Variants in MAP4K3 observed in about 807,000 individuals in gnomAD.
MAP4K3 encodes MAPK/ERK kinase kinase kinase 3.
In MAP4K3, 94 loss-of-function variants were observed where a neutral mutation model predicts 143.5. The ratio of observed to expected loss-of-function variants is 0.65; its 90% CI spans 0.55 to 0.78. The LOEUF is 0.78. Among genes scored for constraint, MAP4K3 ranks in the 30% least tolerant of loss-of-function variants. The pLI is 0.00. For missense variants in MAP4K3, 1,077 were observed against 1,068.1 expected (o/e 1.01, Z -0.12); for synonymous variants, 416 against 347.2 (o/e 1.20, Z -2.20).
chr2:39,369,364 C>G (rs940980899), intron 2 of MAP4K3, among the ~76,000 whole-genome samples: 8 of 151,684 alleles, frequency 5.3e-5, no homozygotes, highest in Non-Finnish European at 1.0e-4. Flanking sequence ...CCAGGCTGAT[C>G]GTGAACTCCT....
chr2:39,351,961 G>A (rs1339482964), intron 3 of MAP4K3, among the ~76,000 whole-genome samples: 3 of 152,108 alleles, frequency 2.0e-5, no homozygotes, highest in African/African-American at 7.2e-5. Context: ...ATGAGCCACC[G>A]CACCCAGCCC....
chr2:39,354,900 T>G (rs1444699078), intron 3 of MAP4K3, among the ~76,000 whole-genome samples: 2 of 152,158 alleles, frequency 1.3e-5, no homozygotes, highest in African/African-American at 4.8e-5. Context: ...TAAGTTACAG[T>G]ATGTTGGATG....
intron 8 of MAP4K3, among the ~76,000 whole-genome samples, chr2:39,330,381 T>C (rs1394654337): frequency 6.6e-6 from 1 of 152,150 alleles, no homozygotes; most frequent in Non-Finnish European, 1.5e-5. Flanking sequence ...TTATCAATCA[T>C]GTACAAGGAT....
chr2:39,414,735 C>T (rs780940362), intron 1 of MAP4K3, among the ~76,000 whole-genome samples: 3 of 152,014 alleles, frequency 2.0e-5, no homozygotes, highest in Non-Finnish European at 4.4e-5. Context: ...ATTAGCTGGG[C>T]GTGGTGGCAC....
chr2:39,254,331 T>C, intron 32 of MAP4K3, 119 bp downstream of exon 32: 1 of 754,378 alleles, frequency 1.3e-6, no homozygotes, highest in Non-Finnish European at 2.2e-6. Context: ...ATAGACTAAA[T>C]ACAGTAAGTA....
chr2:39,387,417 C>T (rs1010377745), intron 1 of MAP4K3, among the ~76,000 whole-genome samples: 1 of 152,174 alleles, frequency 6.6e-6, no homozygotes, highest in Admixed American at 6.5e-5. Context: ...TTCATCAGTG[C>T]TTTGCAGTTA....
chr2:39,421,856 T>G (rs1667558048), intron 1 of MAP4K3, among the ~76,000 whole-genome samples: 2 of 152,126 alleles, frequency 1.3e-5, no homozygotes. Flanking sequence ...TTTATCCATT[T>G]AAATCTAAAC....
At chr2:39,368,427 G>C (rs1272484807) in intron 2 of MAP4K3, among the ~76,000 whole-genome samples, 1 of 152,100 alleles carries the variant, frequency 6.6e-6, no homozygotes, top group Admixed American at 6.5e-5. Context: ...AGAACATTGG[G>C]AGGCCAAGGC....
intron 1 of MAP4K3, among the ~76,000 whole-genome samples, chr2:39,412,285 T>C (rs1558855): frequency 0.065 from 9,891 of 152,186 alleles, 396 homozygotes; most frequent in South Asian, 0.12. Context: ...GTCACCACCA[T>C]CTCCTTTCAG....
chr2:39,389,044 C>T (rs1001884552), intron 1 of MAP4K3, among the ~76,000 whole-genome samples: 20 of 151,960 alleles, frequency 1.3e-4, no homozygotes, highest in Admixed American at 6.6e-4. Flanking sequence ...CAATCAAGTA[C>T]GCTTTAAAAG....
chr2:39,300,116 C>A (rs1327885535), intron 15 of MAP4K3, among the ~76,000 whole-genome samples: 2 of 151,996 alleles, frequency 1.3e-5, no homozygotes, highest in African/African-American at 4.8e-5. Context: ...TGTTTATTCT[C>A]CAGTTATAAT....
At chr2:39,278,967 T>C (rs569817689) in intron 23 of MAP4K3, among the ~76,000 whole-genome samples, 1 of 152,326 alleles carries the variant, frequency 6.6e-6, no homozygotes, top group South Asian at 2.1e-4. Flanking sequence ...AAAACTTGGA[T>C]ACCTGCTAGG....
intron 13 of MAP4K3, among the ~76,000 whole-genome samples, chr2:39,311,905 T>C (rs1440123917): frequency 6.6e-6 from 1 of 152,182 alleles, no homozygotes; most frequent in East Asian, 1.9e-4. Context: ...ACCTTCAGAC[T>C]TAAAGAAATA....
chr2:39,334,676 C>T (rs1014187251), intron 6 of MAP4K3, among the ~76,000 whole-genome samples: 2 of 152,188 alleles, frequency 1.3e-5, no homozygotes, highest in Non-Finnish European at 2.9e-5. Flanking sequence ...CTTATAATCA[C>T]ATCACTTGTA....
chr2:39,364,266 T>G (rs1394053235), intron 2 of MAP4K3, among the ~76,000 whole-genome samples: 1 of 152,164 alleles, frequency 6.6e-6, no homozygotes, highest in Non-Finnish European at 1.5e-5. Flanking sequence ...AATTAGGAGT[T>G]GCTGTTCAAT....
rs187541994 is a variant in MAP4K3, at chr2:39,390,361, A to C, written c.97-12238T>G. ...AAACAACTCAGCATGGAAATTAAAC[A>C]ACTCAATACAAACCACTTGTAGATC... On this transcript the variant is annotated intron_variant, in intron 1 of 33. Coordinates refer to ENST00000263881, the MANE Select transcript of MAP4K3 (RefSeq NM_003618.4). Among the ~76,000 whole-genome samples, 479 of 152,328 alleles carry C rather than the reference A, an allele frequency of 3.1e-3. 2 individuals are homozygous for C. Among genetic ancestry groups the C allele is most frequent in the African/African-American group, 0.011 (465 of 41,566 alleles).
chr2:39,370,285 G>A (rs772784178), intron 2 of MAP4K3, among the ~76,000 whole-genome samples: 42 of 152,244 alleles, frequency 2.8e-4, no homozygotes, highest in Non-Finnish European at 4.7e-4. Context: ...ATTAACCTTT[G>A]AAGAATAATT....
rs562002919 is a variant in MAP4K3 at position 39,261,314 on chromosome 2, A to G, written c.2137-537T>C. On this transcript the variant is annotated intron_variant, in intron 28 of 33. Coordinates refer to ENST00000263881, the MANE Select transcript of MAP4K3 (RefSeq NM_003618.4). ...AATCAACTCAGTTATAATACAACCC[A>G]TTTTAATTTTATATGTTTAAAATTT... Among the ~76,000 whole-genome samples the G allele has an allele frequency of 9.4e-5, 5 of 53,004 alleles. No homozygotes were observed. The East Asian group carries it at 2.0e-3, about 22-fold the overall frequency. The allele number at this position is 53,004 out of a possible 152,430, so 34.8% of individuals were successfully genotyped here.
At chr2:39,311,663 T>C (rs1417409802) in intron 13 of MAP4K3, among the ~76,000 whole-genome samples, 1 of 152,202 alleles carries the variant, frequency 6.6e-6, no homozygotes, top group Non-Finnish European at 1.5e-5. Flanking sequence ...GGCAAGGAAG[T>C]GAAGCCTCTG....
Sources: gnomAD v4.1 joint callset for allele counts (sites outside exome capture counted in the v4.1 genomes callset) on GRCh38, gnomAD v4.1.1 for gene constraint, MANE v1.5 for transcripts, NCBI Gene and HGNC (gene_info 2026-07-23, HGNC 2026-07-21) for gene names.